HSD17B12: variants seen among roughly 807,000 people sequenced by gnomAD.
HSD17B12 encodes the protein hydroxysteroid 17-beta dehydrogenase 12.
In HSD17B12, 32 loss-of-function variants were observed where a neutral mutation model predicts 39.3. The observed-to-expected ratio is 0.81, with a 90% CI of 0.61 to 1.09. The LOEUF (loss-of-function observed/expected upper bound fraction) is 1.09, where lower values mean the gene tolerates loss of function less well. HSD17B12 is among the 50% of genes least tolerant of loss of function. The pLI, the probability that HSD17B12 is intolerant of heterozygous loss-of-function variation, is 0.00. For missense variants in HSD17B12, 342 were observed against 382.9 expected, an observed-to-expected ratio of 0.89 and a Z score of 0.89; for synonymous variants, 150 against 146.7, an observed-to-expected ratio of 1.02 and a Z score of -0.16.
intron 1 of HSD17B12, among the ~76,000 whole-genome samples, chr11:43,708,332 C>T (rs181588286): frequency 6.6e-6 from 1 of 152,262 alleles, no homozygotes; most frequent in Admixed American, 6.5e-5. Context: ...TCTCTGAAAA[C>T]TATACATTTA....
chr11:43,604,381 G>A, the HSD17B12 span, among the ~76,000 whole-genome samples: 1 of 152,058 alleles, frequency 6.6e-6, no homozygotes, highest in Non-Finnish European at 1.5e-5. Context: ...GCATTAGTGG[G>A]TTTATATGAT....
At chr11:43,661,570 A>C in the HSD17B12 span, among the ~76,000 whole-genome samples, 1 of 152,118 alleles carries the variant, frequency 6.6e-6, no homozygotes, top group Non-Finnish European at 1.5e-5. Context: ...CCCAACACTT[A>C]GGGAGGCAGA....
chr11:43,662,800 C>A, the HSD17B12 span, among the ~76,000 whole-genome samples: 1 of 152,036 alleles, frequency 6.6e-6, no homozygotes, highest in South Asian at 2.1e-4. Context: ...ACTATTCCTA[C>A]CTTGGGGGTA....
the HSD17B12 span, among the ~76,000 whole-genome samples, chr11:43,639,379 G>C: frequency 6.6e-6 from 1 of 152,214 alleles, no homozygotes; most frequent in East Asian, 1.9e-4. Context: ...TTTGCCTTTT[G>C]GTTCTGCTTC....
chr11:43,733,744 C>G (rs1277692220), intron 1 of HSD17B12: 1 of 612,524 alleles, frequency 1.6e-6, no homozygotes, highest in African/African-American at 1.8e-5. Flanking sequence ...GTGAGAGGGC[C>G]CAGCAGAAGA....
intron 1 of HSD17B12, among the ~76,000 whole-genome samples, chr11:43,702,099 T>C (rs1031356397): frequency 1.3e-5 from 2 of 152,202 alleles, no homozygotes; most frequent in Non-Finnish European, 1.5e-5. Flanking sequence ...ATAAAGGGGA[T>C]TACTTTTTAA....
intron 3 of HSD17B12, chr11:43,755,161 G>C (rs1236074730): frequency 1.0e-5 from 3 of 290,316 alleles, no homozygotes; most frequent in African/African-American, 6.5e-5. Flanking sequence ...TGAACTATTA[G>C]TGTAAAAGCT....
At chr11:43,654,792 A>C in the HSD17B12 span, among the ~76,000 whole-genome samples, 2 of 152,174 alleles carry the variant, frequency 1.3e-5, no homozygotes, top group Admixed American at 1.3e-4. Context: ...TGTTTTGGTT[A>C]CTGTAGCCTT....
the HSD17B12 span, chr11:43,570,018 G>A: frequency 3.4e-3 from 523 of 152,700 alleles, 5 homozygotes; most frequent in Non-Finnish European, 4.8e-3. Context: ...TGTCCAGAGG[G>A]TTAACATTAA....
At chr11:43,707,217 A>G (rs1025723405) in intron 1 of HSD17B12, among the ~76,000 whole-genome samples, 1 of 152,264 alleles carries the variant, frequency 6.6e-6, no homozygotes, top group Non-Finnish European at 1.5e-5. Context: ...CTTTGCTCTC[A>G]TGGAGCCTGC....
At chr11:43,835,111 G>A (rs1951356446) in intron 7 of HSD17B12, among the ~76,000 whole-genome samples, 1 of 152,164 alleles carries the variant, frequency 6.6e-6, no homozygotes, top group Non-Finnish European at 1.5e-5. Flanking sequence ...AATTCTTAAT[G>A]TACCTTCCAA....
At chr11:43,836,996 C>T (rs1008113647) in intron 7 of HSD17B12, among the ~76,000 whole-genome samples, 1 of 152,158 alleles carries the variant, frequency 6.6e-6, no homozygotes, top group African/African-American at 2.4e-5. Context: ...TCATCAAAAT[C>T]TTAATGGGTT....
chr11:43,830,849 C>T, intron 6 of HSD17B12, 127 bp from the exon 7 acceptor site: 1 of 703,516 alleles, frequency 1.4e-6, no homozygotes, highest in Non-Finnish European at 2.5e-6. Flanking sequence ...AGAAAATAAC[C>T]TGCTGTCTGT....
intron 9 of HSD17B12, chr11:43,853,976 A>T (rs1251586577): frequency 1.3e-5 from 2 of 152,218 alleles, no homozygotes; most frequent in Non-Finnish European, 2.9e-5. Context: ...GTTGAATCAC[A>T]TCCAAAATGC....
chr11:43,726,938 A>T (rs1489589273), intron 1 of HSD17B12, among the ~76,000 whole-genome samples: 1 of 152,220 alleles, frequency 6.6e-6, no homozygotes, highest in Non-Finnish European at 1.5e-5. Context: ...TTCTAAAAAA[A>T]TTTTTAAGGC....
At chr11:43,640,533 C>T in the HSD17B12 span, among the ~76,000 whole-genome samples, 2 of 152,004 alleles carry the variant, frequency 1.3e-5, no homozygotes, top group African/African-American at 4.8e-5. Context: ...AAAGGCCTTT[C>T]GAAACTTAGA....
chr11:43,725,590 A>G (rs746131393), intron 1 of HSD17B12, among the ~76,000 whole-genome samples: 6 of 152,228 alleles, frequency 3.9e-5, no homozygotes, highest in Non-Finnish European at 7.3e-5. Context: ...ATTTTTATCA[A>G]TAATCTATAT....
chr11:43,569,639 C>T, the HSD17B12 span: 1 of 152,570 alleles, frequency 6.6e-6, no homozygotes, highest in Non-Finnish European at 1.5e-5. Flanking sequence ...GCCCCCATCC[C>T]CAGTAAAGCC....
At chr11:43,587,235 T>C in the HSD17B12 span, among the ~76,000 whole-genome samples, 1 of 152,204 alleles carries the variant, frequency 6.6e-6, no homozygotes, top group East Asian at 1.9e-4. Context: ...TCAGGCCTTA[T>C]TCTAGACATT....
Sources: allele counts gnomAD v4.1 joint callset (sites outside exome capture counted in the v4.1 genomes callset), GRCh38; gene constraint gnomAD v4.1.1; transcripts MANE v1.5; gene names NCBI Gene and HGNC (gene_info 2026-07-23, HGNC 2026-07-21).